Variants in UGT1A10 observed in about 807,000 individuals in gnomAD.
UGT1A10 encodes the protein UDP-glucuronosyltransferase 1A10.
Under a neutral mutation model 45.8 loss-of-function variants are expected in UGT1A10, and 49 were observed. That is an observed-to-expected ratio of 1.07 (90% confidence interval 0.85 to 1.36). UGT1A10 has a LOEUF of 1.36. Among genes scored for constraint, UGT1A10 ranks in the 40% most tolerant of loss-of-function variants. UGT1A10 has a pLI of 0.00. For missense variants in UGT1A10, 745 were observed against 668.6 expected, an observed-to-expected ratio of 1.11 and a Z score of -1.26; for synonymous variants, 284 against 249.7, an observed-to-expected ratio of 1.14 and a Z score of -1.29.
At chr2:233,733,104 CTGTT>C (rs892202373) in intron 1 of UGT1A10, among the ~76,000 whole-genome samples, 2 of 152,132 alleles carry the variant, frequency 1.3e-5, no homozygotes, top group African/African-American at 4.8e-5. Context: ...TGGTTTGGCT[CTGTT>C]TGTCTGTTAT....
intron 1 of UGT1A10, chr2:233,747,278 C>A (rs925407656): frequency 4.4e-6 from 7 of 1,599,166 alleles, no homozygotes; most frequent in Middle Eastern, 3.5e-4. Context: ...CTTCTCAGTG[C>A]CCAGCCCTGG....
chr2:233,649,153 T>A, intron 1 of UGT1A10: 1 of 542,130 alleles, frequency 1.8e-6, no homozygotes, highest in Non-Finnish European at 2.7e-6. Flanking sequence ...TGTAAAAAAT[T>A]ATTTTGTGCC....
At chr2:233,668,729 C>T (rs1289797593) in intron 1 of UGT1A10, among the ~76,000 whole-genome samples, 1 of 152,212 alleles carries the variant, frequency 6.6e-6, no homozygotes, top group Non-Finnish European at 1.5e-5. Context: ...GTACATTTAT[C>T]ACAACTCATT....
intron 1 of UGT1A10, chr2:233,719,713 C>T (rs761088378): frequency 6.2e-7 from 1 of 1,613,962 alleles, no homozygotes; most frequent in African/African-American, 1.3e-5. Flanking sequence ...TTCATCCAAT[C>T]AATGTTCCAG....
Position 233,637,256 on chromosome 2 carries a change from A to G in UGT1A10, c.734A>G (p.Tyr245Cys). 2 of 1,613,956 alleles carry G rather than the reference A, an allele frequency of 1.2e-6. No individual in the cohort carries two copies. Among genetic ancestry groups the G allele is most frequent in the South Asian group, 1.1e-5 (1 of 91,082 alleles). Reference protein sequence around the residue: ...LQTPVTAYDLYSHTSIWLLRT... With the variant: ...LQTPVTAYDLCSHTSIWLLRT... ...ACCCCTGTCACGGCATATGATCTCTACAGTCACACATCAATTTGGTTGTTG... is the reference window on the plus strand; with the variant it reads ...ACCCCTGTCACGGCATATGATCTCTGCAGTCACACATCAATTTGGTTGTTG... Residue 245 changes from tyrosine (Y) to cysteine (C), a missense_variant, in exon 1 of 5, where the codon TAC becomes TGC. Tyr to Cys is a radical substitution (Grantham distance 194). Coordinates refer to ENST00000344644, the MANE Select transcript of UGT1A10 (RefSeq NM_019075.4).
At position 233,637,061 on chromosome 2, in the gene UGT1A10, G is replaced by T. The variant is rs748336675; in HGVS notation, c.539G>T (p.Gly180Val). Residue 180 changes from glycine to valine, a missense_variant, in exon 1 of 5, where the codon GGT becomes GTT. By Grantham distance (109) the Gly-to-Val change is moderately radical (BLOSUM62 -3). Coordinates refer to ENST00000344644, the MANE Select transcript of UGT1A10 (RefSeq NM_019075.4). Reference sequence around the variant, plus strand: ...ATATTTTGCCACCATCTTGAAGAAGGTGCACAGTGCCCTGCTCCTCTTTCC... The same window carrying T: ...ATATTTTGCCACCATCTTGAAGAAGTTGCACAGTGCCCTGCTCCTCTTTCC... ...RGIFCHHLEE[G>V]AQCPAPLSYV... 1.7e-5 allele frequency: 27 copies of T among 1,613,878 alleles called. No individual in the cohort carries two copies. Among genetic ancestry groups the T allele is most frequent in the Non-Finnish European group, 2.2e-5 (26 of 1,179,882 alleles).
At chr2:233,764,092 C>T (rs973147823) in intron 1 of UGT1A10, among the ~76,000 whole-genome samples, 2 of 152,148 alleles carry the variant, frequency 1.3e-5, no homozygotes, top group African/African-American at 4.8e-5. Context: ...AAAGCCTAAA[C>T]TAAAAATACA....
At chr2:233,699,283 A>T (rs537298659) in intron 1 of UGT1A10, among the ~76,000 whole-genome samples, 2 of 152,194 alleles carry the variant, frequency 1.3e-5, no homozygotes, top group South Asian at 4.1e-4. Context: ...TCCAGGCCAG[A>T]TGCTGGGACA....
chr2:233,647,307 T>C (rs568097243), intron 1 of UGT1A10, among the ~76,000 whole-genome samples: 2 of 152,342 alleles, frequency 1.3e-5, no homozygotes, highest in South Asian at 4.1e-4. Flanking sequence ...AATATTGTTT[T>C]ACATTTTCGT....
At chr2:233,730,577 T>C (rs1559376049) in intron 1 of UGT1A10, among the ~76,000 whole-genome samples, 1 of 152,254 alleles carries the variant, frequency 6.6e-6, no homozygotes, top group East Asian at 1.9e-4. Context: ...AAGTTCAGTT[T>C]CCAGACAGGG....
chr2:233,771,951 C>T (rs1331596370), intron 4 of UGT1A10, among the ~76,000 whole-genome samples: 1 of 152,070 alleles, frequency 6.6e-6, no homozygotes, highest in African/African-American at 2.4e-5. Context: ...CTTGTTTCTA[C>T]AAAAAATTTA....
chr2:233,658,010 TTCC>T (rs1437059160), intron 1 of UGT1A10, among the ~76,000 whole-genome samples: 1 of 138,494 alleles, frequency 7.2e-6, no homozygotes, highest in African/African-American at 2.7e-5. Context: ...TGTGCCTAGT[TTCC>T]TCCTCTTTTT....
chr2:233,766,948 G>A, intron 1 of UGT1A10, 86 bp from the exon 2 acceptor site: 1 of 1,599,792 alleles, frequency 6.3e-7, no homozygotes, highest in Non-Finnish European at 8.5e-7. Context: ...AGTCTTAAGA[G>A]GAAGATATCT....
Position 233,772,766 on chromosome 2 carries a change from C to G in UGT1A10, c.*207C>G. The stretch of plus-strand genomic sequence containing the variant: ...AGATATTTGAATATGTATCGTGCCC[C>G]CTCTGGTGTCTTTGATCAGGATGAC... On this transcript the variant is annotated 3_prime_UTR_variant, in exon 5 of 5. Transcript: ENST00000344644. 1 of 1,374,588 alleles carries G rather than the reference C, an allele frequency of 7.3e-7. No homozygotes were observed. Among genetic ancestry groups the G allele is most frequent in the Non-Finnish European group, 9.5e-7 (1 of 1,047,350 alleles). 85.1% of individuals were successfully genotyped at this position (1,374,588 alleles called of 1,614,324 possible).
At chr2:233,757,272 A>G (rs1186408915) in intron 1 of UGT1A10, among the ~76,000 whole-genome samples, 15 of 122,852 alleles carry the variant, frequency 1.2e-4, no homozygotes, top group East Asian at 8.4e-4. Context: ...AGCCGATGCA[A>G]TGATTCAGAA....
At chr2:233,743,042 G>A (rs554129345) in intron 1 of UGT1A10, 2 of 311,812 alleles carry the variant, frequency 6.4e-6, no homozygotes, top group East Asian at 8.2e-5. Flanking sequence ...GGTCCTATCC[G>A]TGTAGTCCCA....
rs570497645 is a variant in UGT1A10 at position 233,641,949 on chromosome 2, C to A, written c.855+4572C>A. Among the ~76,000 whole-genome samples the A allele has an allele frequency of 2.6e-5, 4 of 152,168 alleles. No homozygotes were observed. In the East Asian group the frequency reaches 7.7e-4, roughly 29 times the overall value. ...TTAGAATCTTTTCTTTATCCTTGAC[C>A]TTTGGGAGTTTGATTATTAAATGCC... On this transcript the variant is annotated intron_variant, in intron 1 of 4. Coordinates refer to ENST00000344644, the MANE Select transcript of UGT1A10 (RefSeq NM_019075.4).
rs773318792 is a variant in UGT1A10 at position 233,769,599 on chromosome 2, C to T, written c.1295+1160C>T. 17 of 1,612,664 alleles carry T rather than the reference C, an allele frequency of 1.1e-5. No individual in the cohort carries two copies. Among genetic ancestry groups the T allele is most frequent in the South Asian group, 2.2e-5 (2 of 91,048 alleles). ...TGTTCAGATGAGAGGAGACGGAACACGGGGACACACCAGCTTGAGCAAGGG... is the reference window on the plus strand; with the variant it reads ...TGTTCAGATGAGAGGAGACGGAACATGGGGACACACCAGCTTGAGCAAGGG... On this transcript the variant is annotated intron_variant, in intron 4 of 4. Coordinates refer to ENST00000344644, the MANE Select transcript of UGT1A10 (RefSeq NM_019075.4). The surrounding 1 kb of genome is among the most constrained non-coding windows in gnomAD (Gnocchi z 4.4).
At chr2:233,706,188 C>T (rs1428405421) in intron 1 of UGT1A10, among the ~76,000 whole-genome samples, 1 of 152,206 alleles carries the variant, frequency 6.6e-6, no homozygotes, top group East Asian at 1.9e-4. Flanking sequence ...TCTGCCCAGG[C>T]TGCTCCTCCA....
Sources: gnomAD v4.1 joint callset for allele counts (sites outside exome capture counted in the v4.1 genomes callset) on GRCh38, gnomAD v4.1.1 for gene constraint, Gnocchi (gnomAD v3.1) non-coding constraint, MANE v1.5 for transcripts, NCBI Gene and HGNC (gene_info 2026-07-23, HGNC 2026-07-21) for gene names.